The following AP3B1 variants were observed in gnomAD, a reference collection of about 807,000 sequenced individuals.
The protein encoded by AP3B1 is AP-3 complex subunit beta-1.
Under a neutral mutation model 132.5 loss-of-function variants are expected in AP3B1, and 61 were observed. The observed-to-expected ratio is 0.46, with a 90% CI of 0.37 to 0.57. The LOEUF (loss-of-function observed/expected upper bound fraction) is 0.57. AP3B1 is among the 20% of genes least tolerant of loss of function. The pLI is 0.00. For missense variants in AP3B1, 1,120 were observed against 1,289.4 expected, an observed-to-expected ratio of 0.87 and a Z score of 2.01; for synonymous variants, 388 against 438.3, an observed-to-expected ratio of 0.89 and a Z score of 1.43.
rs70997970 is a variant in AP3B1, at chr5:78,166,117, T to TCACA, written c.1168-449_1168-446dup. ...CCTGGGAAACAAGACTGAAACTCTG[T>TCACA]CACACACACACACACACACACACAC... On this transcript the variant is annotated intron_variant, in intron 11 of 26. Transcript: ENST00000255194. 3.2e-4 allele frequency among the ~76,000 whole-genome samples: 43 copies of TCACA among 135,922 alleles called. 1 individual carries two copies. Among genetic ancestry groups the TCACA allele is most frequent in the African/African-American group, 7.3e-4 (26 of 35,526 alleles). 89.2% of individuals were successfully genotyped at this position (135,922 alleles called of 152,430 possible). A position where few individuals can be genotyped will look rare whatever the true frequency, so the allele number is the denominator to read the frequency against.
At chr5:78,228,117 T>A (rs1746475428) in intron 4 of AP3B1, 27 bp downstream of exon 4, 3 of 1,479,426 alleles carry the variant, frequency 2.0e-6, no homozygotes, top group Non-Finnish European at 1.9e-6. Flanking sequence ...ACCTTGTAGC[T>A]ATTTGCCTAC....
intron 22 of AP3B1, among the ~76,000 whole-genome samples, chr5:78,039,764 C>A (rs1329601915): frequency 7.7e-6 from 1 of 129,082 alleles, no homozygotes; most frequent in Admixed American, 9.5e-5. Context: ...GGCGACAGAG[C>A]GAGACTCCGT....
At chr5:78,193,578 TATTTGA>T (rs1418947615) in intron 7 of AP3B1, among the ~76,000 whole-genome samples, 1 of 150,768 alleles carries the variant, frequency 6.6e-6, no homozygotes, top group African/African-American at 2.4e-5. Flanking sequence ...CCTCCATTTG[TATTTGA>T]AAGTTTTTAG....
At chr5:78,147,321 A>G (rs1753448558) in intron 14 of AP3B1, among the ~76,000 whole-genome samples, 1 of 152,056 alleles carries the variant, frequency 6.6e-6, no homozygotes, top group Non-Finnish European at 1.5e-5. Context: ...TATTTGCTTA[A>G]TATCTCTTTC....
At chr5:78,039,790 AAAGAAAAG>A (rs1349613618) in intron 22 of AP3B1, among the ~76,000 whole-genome samples, 13 of 146,194 alleles carry the variant, frequency 8.9e-5, no homozygotes, top group African/African-American at 2.8e-4. Flanking sequence ...AAAAAAAAAA[AAAGAAAAG>A]AAAAGAAAAA....
At chr5:78,257,208 C>G (rs1276832203) in intron 2 of AP3B1, among the ~76,000 whole-genome samples, 1 of 152,040 alleles carries the variant, frequency 6.6e-6, no homozygotes, top group Non-Finnish European at 1.5e-5. Context: ...GGGTCTCCAA[C>G]TGGAAAGGAA....
At chr5:78,077,123 C>T (rs894828673) in intron 22 of AP3B1, among the ~76,000 whole-genome samples, 1 of 152,058 alleles carries the variant, frequency 6.6e-6, no homozygotes, top group Non-Finnish European at 1.5e-5. Flanking sequence ...ACAAATTAGG[C>T]CTTTTTGTTT....
intron 7 of AP3B1, among the ~76,000 whole-genome samples, chr5:78,202,356 C>G (rs1745328137): frequency 6.6e-6 from 1 of 152,108 alleles, no homozygotes; most frequent in South Asian, 2.1e-4. Context: ...AGGAGCTCCT[C>G]TCCTGTATTA....
At chr5:78,043,012 C>A in intron 22 of AP3B1, 1 of 167,184 alleles carries the variant, frequency 6.0e-6, no homozygotes. Flanking sequence ...TAGTTCTTCC[C>A]AATCAATGAT....
chr5:78,241,202 T>C (rs2112519107), intron 2 of AP3B1, among the ~76,000 whole-genome samples: 1 of 141,692 alleles, frequency 7.1e-6, no homozygotes, highest in African/African-American at 2.6e-5. Flanking sequence ...GGGTTATAAG[T>C]AATTTTTTTT....
intron 13 of AP3B1, among the ~76,000 whole-genome samples, chr5:78,156,808 T>A (rs924087382): frequency 6.6e-5 from 10 of 151,876 alleles, no homozygotes; most frequent in South Asian, 2.1e-4. Context: ...AAAAAAAAAA[T>A]TTTTCCTTAA....
chr5:78,143,777 G>A (rs113683166), intron 14 of AP3B1, among the ~76,000 whole-genome samples: 6,187 of 152,240 alleles, frequency 0.041, 187 homozygotes, highest in East Asian at 0.14. Flanking sequence ...ACTTTGGGAG[G>A]CTGAGGCGGG....
chr5:78,214,877 C>G (rs904517516), intron 7 of AP3B1, among the ~76,000 whole-genome samples: 1 of 152,008 alleles, frequency 6.6e-6, no homozygotes, highest in Non-Finnish European at 1.5e-5. Context: ...ATTAATAATT[C>G]AAAACATACT....
intron 21 of AP3B1, among the ~76,000 whole-genome samples, chr5:78,094,418 C>T (rs1398622398): frequency 1.3e-5 from 2 of 152,118 alleles, no homozygotes; most frequent in Non-Finnish European, 2.9e-5. Context: ...AAATGAGACA[C>T]AAAGAAACCA....
chr5:78,208,958 G>C (rs1745622426), intron 7 of AP3B1, among the ~76,000 whole-genome samples: 1 of 151,816 alleles, frequency 6.6e-6, no homozygotes, highest in African/African-American at 2.4e-5. Flanking sequence ...AGATGAAAGA[G>C]GTAAGCAGAA....
At chr5:78,105,964 T>C (rs181272259) in intron 20 of AP3B1, among the ~76,000 whole-genome samples, 2 of 152,314 alleles carry the variant, frequency 1.3e-5, no homozygotes, top group Admixed American at 6.5e-5. Flanking sequence ...ACATGAGTGA[T>C]ACCCCATCAT....
chr5:78,206,039 G>T (rs1478536405), intron 7 of AP3B1, among the ~76,000 whole-genome samples: 1 of 151,688 alleles, frequency 6.6e-6, no homozygotes, highest in Non-Finnish European at 1.5e-5. Flanking sequence ...GTTTCACAAA[G>T]GTCAGTATGA....
At chr5:78,212,734 A>G (rs1190688210) in intron 7 of AP3B1, among the ~76,000 whole-genome samples, 1 of 152,116 alleles carries the variant, frequency 6.6e-6, no homozygotes, top group Non-Finnish European at 1.5e-5. Flanking sequence ...TTTTTATTCT[A>G]TAATCATCTT....
chr5:78,115,045 T>A (rs1751765449), intron 18 of AP3B1, among the ~76,000 whole-genome samples: 1 of 152,130 alleles, frequency 6.6e-6, no homozygotes, highest in Non-Finnish European at 1.5e-5. Context: ...TGCCACAGGG[T>A]AAGGCACTCA....
Sources: gnomAD v4.1 joint callset for allele counts (sites outside exome capture counted in the v4.1 genomes callset) on GRCh38, gnomAD v4.1.1 for gene constraint, MANE v1.5 for transcripts, NCBI Gene and HGNC (gene_info 2026-07-23, HGNC 2026-07-21) for gene names.